Variants in CNFN observed in about 807,000 individuals in gnomAD.
The protein encoded by CNFN is cornifelin.
Under a neutral mutation model 14.9 loss-of-function variants are expected in CNFN, and 10 were observed. That is an observed-to-expected ratio of 0.67 (90% CI 0.41 to 1.14). The LOEUF (loss-of-function observed/expected upper bound fraction) is 1.14. CNFN is among the 50% of genes most tolerant of loss of function. The pLI is 0.00. For missense variants in CNFN, 165 were observed against 152.8 expected (o/e 1.08, Z -0.42); for synonymous variants, 66 against 60.0 (o/e 1.10, Z -0.46).
intron 2 of CNFN, 90 bp downstream of exon 2, chr19:42,388,836 T>C: frequency 1.1e-6 from 1 of 873,562 alleles, no homozygotes; most frequent in Non-Finnish European, 1.8e-6. Flanking sequence ...TAGCAAGCGG[T>C]GGGAGGAGGT....
At chr19:42,387,668 TTTC>T (rs1199304367) in intron 2 of CNFN, among the ~76,000 whole-genome samples, 192 bp from the exon 3 acceptor site, 6 of 149,856 alleles carry the variant, frequency 4.0e-5, no homozygotes, top group Non-Finnish European at 5.9e-5. Context: ...TTTTTTTTTT[TTTC>T]TTCTTTTTTT....
intron 1 of CNFN, 78 bp from the exon 2 acceptor site, chr19:42,389,117 T>C (rs2039878892): frequency 8.9e-7 from 1 of 1,126,018 alleles, no homozygotes; most frequent in Non-Finnish European, 1.3e-6. Context: ...CACCCTTCCC[T>C]GTGCCGGGCA....
At chr19:42,387,546 C>A in intron 2 of CNFN, 70 bp from the exon 3 acceptor site, 2 of 1,257,462 alleles carry the variant, frequency 1.6e-6, no homozygotes, top group Non-Finnish European at 2.1e-6. Context: ...CCGGGGGGGG[C>A]GCGGTTGATT....
rs1297724676 is a variant in CNFN, at chr19:42,390,254, T to C, written c.-17A>G. The C allele has an allele frequency of 6.5e-6, 1 of 152,870 alleles. No individual in the cohort carries two copies. The highest frequency in any genetic ancestry group is 2.4e-5 in the African/African-American group (1 of 41,466). 9.5% of individuals were successfully genotyped at this position (152,870 alleles called of 1,614,324 possible). Reference sequence around the variant, plus strand: ...GATGTTCCTACCTGCAGGATCGCGATGGCAGTGATGGAGGCAGACGTGTGG... The same window carrying C: ...GATGTTCCTACCTGCAGGATCGCGACGGCAGTGATGGAGGCAGACGTGTGG... On this transcript the variant is annotated 5_prime_UTR_variant, in exon 1 of 4. Coordinates refer to ENST00000222032, the MANE Select transcript of CNFN (RefSeq NM_032488.4).
At chr19:42,389,659 G>C (rs1258995115) in intron 1 of CNFN, 5 of 477,636 alleles carry the variant, frequency 1.0e-5, no homozygotes, top group African/African-American at 2.0e-5. Context: ...TGGGCTCTCA[G>C]GGGGAGGGGA....
In CNFN at chr19:42,388,979, T is replaced by C; in HGVS notation, c.59A>G (p.Gln20Arg). ...QCATTSCYQT[Q>R]LSDWHTGLTD... ...GAGACCTGTGTGCCAGTCACTGAGC[T>C]GGGTCTGGTAGCAGCTGGTGGTGGC... Residue 20 changes from glutamine (Q) to arginine (R), a missense_variant, in exon 2 of 4, where the codon CAG becomes CGG. Coordinates refer to ENST00000222032, the MANE Select transcript of CNFN (RefSeq NM_032488.4). The C allele has an allele frequency of 6.2e-7, 1 of 1,613,974 alleles. No homozygotes were observed. Among genetic ancestry groups the C allele is most frequent in the Non-Finnish European group, 8.5e-7 (1 of 1,179,998 alleles).
At chr19:42,389,547 G>A (rs1362564270) in intron 1 of CNFN, 6 of 1,289,898 alleles carry the variant, frequency 4.7e-6, no homozygotes, top group African/African-American at 1.5e-5. Context: ...TGAGGAGGTG[G>A]CGTTGGGGAC....
At chr19:42,389,554 G>T (rs1252019047) in intron 1 of CNFN, 1 of 1,289,868 alleles carries the variant, frequency 7.8e-7, no homozygotes, top group South Asian at 1.2e-5. Flanking sequence ...GTGGCGTTGG[G>T]GACGGCAGAA....
Sources: allele counts gnomAD v4.1 joint callset (sites outside exome capture counted in the v4.1 genomes callset), GRCh38; gene constraint gnomAD v4.1.1; transcripts MANE v1.5; gene names NCBI Gene and HGNC (gene_info 2026-07-23, HGNC 2026-07-21).